SLCO1B3: variants seen among roughly 807,000 people sequenced by gnomAD.
SLCO1B3 encodes solute carrier organic anion transporter family member 1B3.
Under a neutral mutation model 71.8 loss-of-function variants are expected in SLCO1B3, and 72 were observed. The ratio of observed to expected loss-of-function variants is 1.00; its 90% CI spans 0.83 to 1.22. The LOEUF is 1.22. Ranked by LOEUF, SLCO1B3 falls within the 50% of genes most tolerant of loss-of-function variation. The probability of loss-of-function intolerance (pLI) is 0.00; values close to 1 mark genes in which losing one functional copy is unlikely to be tolerated. For synonymous variants in SLCO1B3, 298 were observed against 278.4 expected (o/e 1.07, Z -0.70); for missense variants, 911 against 819.7 (o/e 1.11, Z -1.36).
Position 20,862,858 on chromosome 12 carries a change from A to C in SLCO1B3, c.727+4A>C, listed in dbSNP as rs1374033529. 6.7e-7 allele frequency: 1 copy of C among 1,497,554 alleles called. No individual in the cohort carries two copies. Among genetic ancestry groups the C allele is most frequent in the Non-Finnish European group, 9.3e-7 (1 of 1,075,324 alleles). 92.8% of individuals were successfully genotyped at this position (1,497,554 alleles called of 1,614,324 possible). A position where few individuals can be genotyped will look rare whatever the true frequency, so the allele number is the denominator to read the frequency against. On this transcript the variant is annotated splice_donor_region_variant and intron_variant, in intron 8 of 15. Coordinates refer to ENST00000381545, the MANE Select transcript of SLCO1B3 (RefSeq NM_019844.4). ...GATATTGGATATGTAGATCTGAGTAAGTACAATTAGAACAAGGTACCATGA... is the reference window on the plus strand; with the variant it reads ...GATATTGGATATGTAGATCTGAGTACGTACAATTAGAACAAGGTACCATGA...
chr12:20,891,684 A>G (rs145468724), intron 13 of SLCO1B3, among the ~76,000 whole-genome samples: 377 of 152,242 alleles, frequency 2.5e-3, no homozygotes, highest in African/African-American at 8.8e-3. Context: ...TATGCATTCC[A>G]TAATCCCATA....
chr12:20,872,099 G>A (rs1865485731), intron 8 of SLCO1B3, among the ~76,000 whole-genome samples: 2 of 152,082 alleles, frequency 1.3e-5, no homozygotes, highest in East Asian at 2.0e-4. Context: ...CCAAACCACA[G>A]CACAAAGTTC....
rs58924842 is a variant in SLCO1B3, at chr12:20,836,477, G to C, written c.85-18551G>C. On this transcript the variant is annotated intron_variant, in intron 3 of 15. Coordinates refer to ENST00000381545, the MANE Select transcript of SLCO1B3 (RefSeq NM_019844.4). The stretch of plus-strand genomic sequence containing the variant: ...CATTTTTTTGTTATTGTAATATCTT[G>C]GATTTTAGTATCAGGGTAATGCTGG... Among the ~76,000 whole-genome samples the C allele has an allele frequency of 3.5e-3, 527 of 152,000 alleles. 20 individuals carry two copies. The East Asian group carries it at 0.085, about 25-fold the overall frequency.
At chr12:20,815,565 A>G (rs1864177773) in intron 2 of SLCO1B3, 109 bp from the exon 3 acceptor site, 2 of 511,936 alleles carry the variant, frequency 3.9e-6, no homozygotes, top group Non-Finnish European at 6.9e-6. Context: ...CAGGCCCTGA[A>G]TGAATATTAG....
chr12:20,850,061 G>C (rs993149990), intron 3 of SLCO1B3, among the ~76,000 whole-genome samples: 7 of 140,610 alleles, frequency 5.0e-5, no homozygotes, highest in Non-Finnish European at 7.6e-5. Flanking sequence ...TTGCAGACAT[G>C]GAAAAATCCA....
intron 1 of SLCO1B3, among the ~76,000 whole-genome samples, chr12:20,811,137 A>G (rs1864103366): frequency 6.6e-6 from 1 of 152,212 alleles, no homozygotes. Context: ...TTACTATACC[A>G]GGCTCCCTAT....
intron 3 of SLCO1B3, among the ~76,000 whole-genome samples, chr12:20,828,871 A>G (rs141878662): frequency 6.6e-6 from 1 of 152,310 alleles, no homozygotes; most frequent in East Asian, 1.9e-4. Flanking sequence ...AATCTTAGCT[A>G]CTGAACTACA....
At chr12:20,899,702 A>G (rs1283358357) in intron 14 of SLCO1B3, among the ~76,000 whole-genome samples, 1 of 152,198 alleles carries the variant, frequency 6.6e-6, no homozygotes, top group African/African-American at 2.4e-5. Context: ...TGGGCCACAG[A>G]GGCTGAAAAT....
chr12:20,865,369 A>C (rs1865351594), intron 8 of SLCO1B3, among the ~76,000 whole-genome samples: 1 of 152,126 alleles, frequency 6.6e-6, no homozygotes, highest in Admixed American at 6.6e-5. Context: ...AAATCAATTC[A>C]ATATTTTTTC....
chr12:20,854,893 T>C (rs1865101573), intron 3 of SLCO1B3, 135 bp from the exon 4 acceptor site: 1 of 774,504 alleles, frequency 1.3e-6, no homozygotes, highest in Admixed American at 2.9e-5. Flanking sequence ...TTTCAACTTG[T>C]ATAGGGAAAA....
chr12:20,823,833 A>G (rs1416078590), intron 3 of SLCO1B3, among the ~76,000 whole-genome samples: 1 of 152,132 alleles, frequency 6.6e-6, no homozygotes, highest in East Asian at 1.9e-4. Flanking sequence ...TTTACTTACC[A>G]CAGGTCATGA....
Position 20,833,495 on chromosome 12 carries a change from T to G in SLCO1B3, c.84+17673T>G, listed in dbSNP as rs369856531. On this transcript the variant is annotated intron_variant, in intron 3 of 15. Transcript: ENST00000381545. ...ATATACACACATATACACAGATATATACATATGTTTACTATGTATGTATAT... is the reference window on the plus strand; with the variant it reads ...ATATACACACATATACACAGATATAGACATATGTTTACTATGTATGTATAT... Among the ~76,000 whole-genome samples, 161 of 149,034 alleles carry G rather than the reference T, an allele frequency of 1.1e-3. 4 individuals carry two copies. In the South Asian group the frequency reaches 0.033, roughly 30 times the overall value.
intron 8 of SLCO1B3, among the ~76,000 whole-genome samples, chr12:20,869,222 C>G: frequency 6.6e-6 from 1 of 152,172 alleles, no homozygotes; most frequent in East Asian, 1.9e-4. Context: ...TGTGGTCCGC[C>G]TGGCAATGGG....
chr12:20,874,484 C>G (rs968890087), intron 8 of SLCO1B3, among the ~76,000 whole-genome samples: 1 of 152,110 alleles, frequency 6.6e-6, no homozygotes, highest in African/African-American at 2.4e-5. Flanking sequence ...ATCTGTCCTT[C>G]TTATTCTGGT....
intron 10 of SLCO1B3, among the ~76,000 whole-genome samples, chr12:20,878,878 G>T (rs1370156421): frequency 1.4e-5 from 2 of 141,440 alleles, no homozygotes; most frequent in South Asian, 2.6e-4. Context: ...ATAATAAAGA[G>T]ATATTAATTC....
chr12:20,896,741 C>T (rs189677214), intron 13 of SLCO1B3, among the ~76,000 whole-genome samples: 1 of 152,258 alleles, frequency 6.6e-6, no homozygotes, highest in East Asian at 1.9e-4. Flanking sequence ...TTAGCAACGT[C>T]CCACTCTACC....
In SLCO1B3 at chr12:20,844,024, TCTC is replaced by T. The variant is rs553638860; in HGVS notation, c.85-11000_85-10998del. Among the ~76,000 whole-genome samples the T allele has an allele frequency of 1.8e-3, 275 of 152,114 alleles. 1 individual carries two copies. The highest frequency in any genetic ancestry group is 6.4e-3 in the African/African-American group (266 of 41,520). On this transcript the variant is annotated intron_variant, in intron 3 of 15. Transcript: ENST00000381545. ...TGCATTTATTTTATTTTTTAAATTT[TCTC>T]CTCTTCAACTTATTATACTCCTTTT...
chr12:20,916,343 G>T lies in SLCO1B3; in HGVS notation c.*96G>T. ...TTACTTACAGTGGACCAATGGATAA[G>T]TCTATGCATCTATAATAAACTATAA... On this transcript the variant is annotated 3_prime_UTR_variant, in exon 16 of 16. Coordinates refer to ENST00000381545, the MANE Select transcript of SLCO1B3 (RefSeq NM_019844.4). 1.7e-6 allele frequency: 2 copies of T among 1,153,938 alleles called. No individual in the cohort carries two copies. The highest frequency in any genetic ancestry group is 2.2e-5 in the Admixed American group (1 of 46,026). The allele number at this position is 1,153,938 out of a possible 1,614,324, so 71.5% of individuals were successfully genotyped here.
At chr12:20,826,067 C>T (rs1234503456) in intron 3 of SLCO1B3, among the ~76,000 whole-genome samples, 1 of 152,060 alleles carries the variant, frequency 6.6e-6, no homozygotes, top group African/African-American at 2.4e-5. Context: ...ATTTAAATAA[C>T]ATGCAATCAA....
Sources: gnomAD v4.1 joint callset for allele counts (sites outside exome capture counted in the v4.1 genomes callset) on GRCh38, gnomAD v4.1.1 for gene constraint, MANE v1.5 for transcripts, NCBI Gene and HGNC (gene_info 2026-07-23, HGNC 2026-07-21) for gene names.